Variants in TM6SF1 observed in about 807,000 individuals in gnomAD.
The protein encoded by TM6SF1 is transmembrane 6 superfamily member 1.
A neutral mutation model predicts 47.1 loss-of-function variants in TM6SF1; 43 were observed. That is an observed-to-expected ratio of 0.91 (90% CI 0.72 to 1.18). The LOEUF (loss-of-function observed/expected upper bound fraction) is 1.18. Ranked by LOEUF, TM6SF1 falls within the 50% of genes most tolerant of loss-of-function variation. The pLI is 0.00. For synonymous variants in TM6SF1, 177 were observed against 166.3 expected, an observed-to-expected ratio of 1.06 and a Z score of -0.49; for missense variants, 390 against 449.0, an observed-to-expected ratio of 0.87 and a Z score of 1.19.
intron 1 of TM6SF1, among the ~76,000 whole-genome samples, chr15:83,110,556 C>T (rs541513619): frequency 1.4e-4 from 22 of 152,338 alleles, no homozygotes; most frequent in African/African-American, 4.3e-4. Context: ...GCACCAACCA[C>T]GCGATCCTGC....
chr15:83,118,679 TCTTC>T (rs2034926929), intron 3 of TM6SF1, among the ~76,000 whole-genome samples: 1 of 152,174 alleles, frequency 6.6e-6, no homozygotes, highest in Non-Finnish European at 1.5e-5. Flanking sequence ...TGATCTGCAC[TCTTC>T]CTTGTTGTAG....
chr15:83,127,527 T>C, intron 9 of TM6SF1, 50 bp downstream of exon 9: 2 of 1,602,966 alleles, frequency 1.2e-6, no homozygotes, highest in Admixed American at 1.7e-5. Flanking sequence ...TAGGTGTCAA[T>C]TGTTGAATAT....
chr15:83,116,001 T>A (rs2034625413), intron 3 of TM6SF1, 59 bp downstream of exon 3: 1 of 1,289,864 alleles, frequency 7.8e-7, no homozygotes, highest in Non-Finnish European at 1.1e-6. Flanking sequence ...CCAGATCACA[T>A]TACTCAGAGA....
At chr15:83,110,094 C>T (rs999905144) in intron 1 of TM6SF1, among the ~76,000 whole-genome samples, 5 of 152,158 alleles carry the variant, frequency 3.3e-5, no homozygotes, top group South Asian at 2.1e-4. Flanking sequence ...TTTGTTGAAT[C>T]GAGTTTCCTT....
chr15:83,122,969 G>A, intron 6 of TM6SF1, 91 bp downstream of exon 6: 1 of 1,465,444 alleles, frequency 6.8e-7, no homozygotes, highest in Non-Finnish European at 9.3e-7. Flanking sequence ...TGCCTCTGTG[G>A]ACTGGAGCAT....
At chr15:83,128,364 T>C (rs966338131) in intron 9 of TM6SF1, 1 of 152,200 alleles carries the variant, frequency 6.6e-6, no homozygotes, top group East Asian at 1.9e-4. Flanking sequence ...ATTAGCATAG[T>C]AGTATCGAAA....
chr15:83,107,865 G>A lies in TM6SF1; in HGVS notation c.92+93G>A, dbSNP rs534246501. 6 of 1,418,614 alleles carry A rather than the reference G, an allele frequency of 4.2e-6. No homozygotes were observed. The highest frequency in any genetic ancestry group is 1.5e-5 in the African/African-American group (1 of 66,802). The allele number at this position is 1,418,614 out of a possible 1,614,324, so 87.9% of individuals were successfully genotyped here. ...CTCGCAACTTTTCCGAGGGGGCTGG[G>A]ACCGTCCGCCGCGGGACAGAGGTTC... is the stretch of plus-strand genomic sequence containing the variant. On this transcript the variant is annotated intron_variant, in intron 1 of 9. Transcript: ENST00000322019. This position sits in a 1 kb window ranked among gnomAD's most constrained non-coding sequence, Gnocchi z 5.6.
chr15:83,111,810 G>C (rs2034210096), intron 1 of TM6SF1: 1 of 382,628 alleles, frequency 2.6e-6, no homozygotes, highest in Non-Finnish European at 3.6e-6. Context: ...GTAGAGCTCA[G>C]AGTCCATTGA....
intron 1 of TM6SF1, among the ~76,000 whole-genome samples, chr15:83,112,297 A>T (rs2034261986): frequency 6.6e-6 from 1 of 152,100 alleles, no homozygotes; most frequent in Non-Finnish European, 1.5e-5. Flanking sequence ...ATTTGACTAT[A>T]CACATAACAT....
rs2036635818 is a variant in TM6SF1 at position 83,136,664 on chromosome 15, G to A, written c.1105G>A (p.Val369Met). Residue 369 changes from valine (V) to methionine (M), a missense_variant, in exon 10 of 10, where the codon GTG becomes ATG. By Grantham distance (21) the Val-to-Met change is conservative (BLOSUM62 1). Coordinates refer to ENST00000322019, the MANE Select transcript of TM6SF1 (RefSeq NM_023003.5). ...FFIKTKAEEKVE is the reference protein window; with the variant it reads ...FFIKTKAEEKME ...CATAAAAACAAAGGCAGAAGAAAAA[G>A]TGGAATAAAAATATTACTTCATGTT... is the stretch of plus-strand genomic sequence containing the variant. 1 of 1,592,406 alleles carries A rather than the reference G, an allele frequency of 6.3e-7. No homozygotes were observed. Among genetic ancestry groups the A allele is most frequent in the Non-Finnish European group, 8.5e-7 (1 of 1,174,360 alleles).
chr15:83,116,142 C>T (rs1405356852), intron 3 of TM6SF1, among the ~76,000 whole-genome samples, 200 bp downstream of exon 3: 2 of 152,204 alleles, frequency 1.3e-5, no homozygotes, highest in Non-Finnish European at 2.9e-5. Flanking sequence ...CAATTCTCTC[C>T]AACATTCAGC....
chr15:83,133,134 T>C (rs958105094), intron 9 of TM6SF1: 11 of 152,240 alleles, frequency 7.2e-5, no homozygotes, highest in African/African-American at 2.7e-4. Flanking sequence ...GGCTGGTTTG[T>C]GGTGGAGCTG....
chr15:83,109,958 G>A (rs997358091), intron 1 of TM6SF1, among the ~76,000 whole-genome samples: 5 of 152,212 alleles, frequency 3.3e-5, no homozygotes, highest in African/African-American at 1.2e-4. Flanking sequence ...TCCCTTGTTT[G>A]CACCTTTCTC....
chr15:83,136,342 G>A (rs2036604397), intron 9 of TM6SF1, 139 bp from the exon 10 acceptor site: 2 of 562,324 alleles, frequency 3.6e-6, no homozygotes, highest in South Asian at 7.4e-5. Context: ...ACTCTGGATT[G>A]TTTGAAGGTA....
At chr15:83,128,557 T>A (rs919218147) in intron 9 of TM6SF1, 2 of 152,210 alleles carry the variant, frequency 1.3e-5, no homozygotes, top group African/African-American at 2.4e-5. Flanking sequence ...TATCTTTCAA[T>A]ACCAACTATA....
chr15:83,131,084 CCT>C (rs1252505696), intron 9 of TM6SF1: 1 of 151,524 alleles, frequency 6.6e-6, no homozygotes, highest in African/African-American at 2.4e-5. Flanking sequence ...AGAGAGAGAC[CCT>C]GTCTCTCCCA....
Position 83,119,675 on chromosome 15 carries a change from C to A in TM6SF1, c.392C>A (p.Ala131Glu), listed in dbSNP as rs774115059. The change falls in exon 4 of 10, where the codon GCA becomes GAA. Residue 131 changes from alanine to glutamate, a missense_variant. Physicochemically the swap from Ala to Glu is moderately radical, Grantham distance 107. Coordinates refer to ENST00000322019, the MANE Select transcript of TM6SF1 (RefSeq NM_023003.5). ...TACCTGGTGATGGTGGCAGCCATAG[C>A]ATGGGAGTAAGTCAGTTCACCTGGT... The part of the protein sequence containing the change: ...LMYLVMVAAI[A>E]WEETYRTIGL... 6.2e-7 allele frequency: 1 copy of A among 1,614,148 alleles called. No individual in the cohort carries two copies. The highest frequency in any genetic ancestry group is 8.5e-7 in the Non-Finnish European group (1 of 1,180,000).
chr15:83,123,216 T>C (rs1401893198), intron 6 of TM6SF1, among the ~76,000 whole-genome samples: 2 of 152,162 alleles, frequency 1.3e-5, no homozygotes, highest in Non-Finnish European at 2.9e-5. Context: ...GGCCTGGACG[T>C]TGAACACCTG....
intron 9 of TM6SF1, chr15:83,127,874 C>T (rs939626536): frequency 8.0e-6 from 2 of 248,846 alleles, no homozygotes; most frequent in African/African-American, 2.3e-5. Flanking sequence ...AATTCCACTA[C>T]GCTATGCTAT....
Sources: gnomAD v4.1 joint callset for allele counts (sites outside exome capture counted in the v4.1 genomes callset) on GRCh38, gnomAD v4.1.1 for gene constraint, Gnocchi (gnomAD v3.1) non-coding constraint, MANE v1.5 for transcripts, NCBI Gene and HGNC (gene_info 2026-07-23, HGNC 2026-07-21) for gene names.